EPB41L2: variants seen among roughly 807,000 people sequenced by gnomAD.
EPB41L2 encodes erythrocyte membrane protein band 4.1 like 2.
In EPB41L2, 43 loss-of-function variants were observed where a neutral mutation model predicts 113.0. That is an observed-to-expected ratio of 0.38 (90% confidence interval 0.30 to 0.49). The LOEUF (loss-of-function observed/expected upper bound fraction) is 0.49, where lower values mean the gene tolerates loss of function less well. EPB41L2 is among the 20% of genes least tolerant of loss of function. EPB41L2 has a pLI of 0.95. For synonymous variants in EPB41L2, 442 were observed against 436.7 expected, an observed-to-expected ratio of 1.01 and a Z score of -0.15; for missense variants, 1,147 against 1,223.4, an observed-to-expected ratio of 0.94 and a Z score of 0.93.
Position 130,895,090 on chromosome 6 carries a change from G to A in EPB41L2, c.1266C>T (p.Gly422=), listed in dbSNP as rs764286440. The change falls in exon 9 of 20, where the codon GGC becomes GGT. Residue 422 remains glycine, a synonymous_variant. Coordinates refer to ENST00000337057, the MANE Select transcript of EPB41L2 (RefSeq NM_001431.4). ...AAATGAGAAGTCCATTAGCACACAC[G>A]CCCAGCTTGATGTCCACACCTTCTG... The part of the protein sequence containing the change: ...KDSEGVDIKL[G]VCANGLLIYK... 1.7e-5 allele frequency: 27 copies of A among 1,612,064 alleles called. No homozygotes were observed. The highest frequency in any genetic ancestry group is 3.3e-4 in the Middle Eastern group (2 of 6,074).
chr6:130,901,521 A>G (rs1019307899), intron 6 of EPB41L2, among the ~76,000 whole-genome samples: 1 of 151,344 alleles, frequency 6.6e-6, no homozygotes, highest in African/African-American at 2.4e-5. Flanking sequence ...CAAAAGATGT[A>G]AGGATTAATA....
chr6:130,979,259 G>T (rs1419773138), intron 1 of EPB41L2, among the ~76,000 whole-genome samples: 1 of 152,030 alleles, frequency 6.6e-6, no homozygotes, highest in East Asian at 1.9e-4. Context: ...GCTGTGGTGG[G>T]TTGACCACTT....
intron 4 of EPB41L2, 41 bp downstream of exon 4, chr6:130,926,564 A>G (rs774413130): frequency 7.2e-6 from 10 of 1,392,226 alleles, no homozygotes; most frequent in Admixed American, 4.1e-5. Context: ...AAAAAATACA[A>G]TATGTTCTAA....
At chr6:131,005,966 C>A (rs1281571125) in intron 1 of EPB41L2, among the ~76,000 whole-genome samples, 2 of 152,000 alleles carry the variant, frequency 1.3e-5, no homozygotes, top group African/African-American at 2.4e-5. Flanking sequence ...ATAGCCTCAG[C>A]CAGAAAAAAA....
intron 1 of EPB41L2, among the ~76,000 whole-genome samples, chr6:131,046,248 A>G (rs1035896488): frequency 3.9e-5 from 6 of 152,042 alleles, no homozygotes; most frequent in Non-Finnish European, 7.4e-5. Context: ...AGGACACTTT[A>G]AATCACTTTC....
At chr6:130,904,712 AAAAAT>A (rs1332152240) in intron 5 of EPB41L2, among the ~76,000 whole-genome samples, 172 bp from the exon 6 acceptor site, 1 of 152,036 alleles carries the variant, frequency 6.6e-6, no homozygotes, top group Admixed American at 6.5e-5. Context: ...AAATGAAATA[AAAAAT>A]AAAATAGAAA....
intron 4 of EPB41L2, among the ~76,000 whole-genome samples, chr6:130,922,083 C>T (rs1317760078): frequency 1.3e-5 from 2 of 152,140 alleles, no homozygotes; most frequent in African/African-American, 2.4e-5. Context: ...CACGCACGCA[C>T]GTGTGTTTAC....
chr6:131,055,139 C>G (rs1797358526), intron 1 of EPB41L2, among the ~76,000 whole-genome samples: 1 of 152,180 alleles, frequency 6.6e-6, no homozygotes, highest in Admixed American at 6.5e-5. Flanking sequence ...GAGCAGAAAT[C>G]TGTCAAGAAG....
intron 1 of EPB41L2, among the ~76,000 whole-genome samples, chr6:131,059,436 A>G (rs1408870929): frequency 6.6e-6 from 1 of 152,214 alleles, no homozygotes; most frequent in East Asian, 1.9e-4. Flanking sequence ...CAACTCTAAT[A>G]GCTAACTTGG....
rs557508147 is a variant in EPB41L2, at chr6:130,923,786, G to A, written c.810+2819C>T. 2.0e-4 allele frequency among the ~76,000 whole-genome samples: 30 copies of A among 152,332 alleles called. No individual in the cohort carries two copies. The Middle Eastern group carries it at 0.014, about 69-fold the overall frequency. ...CGTTTACGGTTAGAGCCTCAGCAGCGAGCACGCTGGTTTGTACACAGGTAG... is the reference window on the plus strand; with the variant it reads ...CGTTTACGGTTAGAGCCTCAGCAGCAAGCACGCTGGTTTGTACACAGGTAG... On this transcript the variant is annotated intron_variant, in intron 4 of 19. Coordinates refer to ENST00000337057, the MANE Select transcript of EPB41L2 (RefSeq NM_001431.4).
At chr6:130,884,349 A>T (rs1295703266) in intron 12 of EPB41L2, among the ~76,000 whole-genome samples, 1 of 152,232 alleles carries the variant, frequency 6.6e-6, no homozygotes, top group African/African-American at 2.4e-5. Context: ...AAAATAAAAA[A>T]AATAAAATAG....
intron 1 of EPB41L2, among the ~76,000 whole-genome samples, chr6:131,058,998 A>G (rs1242818261): frequency 6.6e-6 from 1 of 152,182 alleles, no homozygotes; most frequent in Non-Finnish European, 1.5e-5. Context: ...CCTGAACGAC[A>G]GAGTGAAACT....
At chr6:131,061,773 A>C (rs1031829907) in intron 1 of EPB41L2, among the ~76,000 whole-genome samples, 1 of 152,222 alleles carries the variant, frequency 6.6e-6, no homozygotes, top group Non-Finnish European at 1.5e-5. Flanking sequence ...ACAGCGTTAT[A>C]AAGAGACCAG....
chr6:130,902,824 G>C (rs561241189), intron 6 of EPB41L2, among the ~76,000 whole-genome samples: 1 of 152,284 alleles, frequency 6.6e-6, no homozygotes, highest in South Asian at 2.1e-4. Context: ...AATGGCATGA[G>C]CTTCCTGAAT....
At chr6:130,914,337 A>C (rs1800297730) in intron 4 of EPB41L2, among the ~76,000 whole-genome samples, 1 of 152,220 alleles carries the variant, frequency 6.6e-6, no homozygotes, top group African/African-American at 2.4e-5. Flanking sequence ...TGTGTTATAT[A>C]CATTAAAGAA....
At chr6:131,032,705 G>T (rs1198164514) in intron 1 of EPB41L2, among the ~76,000 whole-genome samples, 1 of 152,108 alleles carries the variant, frequency 6.6e-6, no homozygotes, top group Non-Finnish European at 1.5e-5. Context: ...TATGAAAGAG[G>T]ATGTATTCTT....
intron 15 of EPB41L2, 121 bp from the exon 16 acceptor site, chr6:130,867,702 A>G (rs760433667): frequency 3.0e-6 from 4 of 1,320,778 alleles, no homozygotes; most frequent in Non-Finnish European, 3.2e-6. Context: ...ACAAAAGAAA[A>G]GAGTAAAAGC....
At chr6:130,926,530 T>C (rs1804796070) in intron 4 of EPB41L2, 75 bp downstream of exon 4, 1 of 1,090,338 alleles carries the variant, frequency 9.2e-7, no homozygotes, top group African/African-American at 1.6e-5. Flanking sequence ...AGCTAAATTT[T>C]AAACTGAGAT....
intron 1 of EPB41L2, among the ~76,000 whole-genome samples, chr6:130,994,405 G>A (rs761052099): frequency 6.6e-6 from 1 of 152,104 alleles, no homozygotes; most frequent in Non-Finnish European, 1.5e-5. Flanking sequence ...GAGAGGGCAG[G>A]GCAGAGTGTG....
Sources: allele counts gnomAD v4.1 joint callset (sites outside exome capture counted in the v4.1 genomes callset), GRCh38; gene constraint gnomAD v4.1.1; transcripts MANE v1.5; gene names NCBI Gene and HGNC (gene_info 2026-07-23, HGNC 2026-07-21).